The following AFG2A variants were observed in gnomAD, a reference collection of about 807,000 sequenced individuals.
AFG2A encodes ATPase family gene 2 protein homolog A.
chr4:123,075,148 G>T, the AFG2A span, among the ~76,000 whole-genome samples: 1 of 151,836 alleles, frequency 6.6e-6, no homozygotes, highest in Non-Finnish European at 1.5e-5. Context: ...GTTTCACCAT[G>T]TTGGCCAGGC....
the AFG2A span, among the ~76,000 whole-genome samples, chr4:123,100,443 G>A: frequency 1.3e-5 from 2 of 151,846 alleles, no homozygotes; most frequent in African/African-American, 4.8e-5. Flanking sequence ...TTTCAGGCTT[G>A]ACATTTTGGA....
At chr4:123,199,706 G>A in the AFG2A span, among the ~76,000 whole-genome samples, 29 of 151,956 alleles carry the variant, frequency 1.9e-4, 1 homozygote, top group African/African-American at 7.0e-4. Flanking sequence ...TCCTGACCTC[G>A]TGGTCTGCCC....
the AFG2A span, chr4:122,979,330 G>A: frequency 1.2e-6 from 2 of 1,614,146 alleles, no homozygotes; most frequent in East Asian, 2.2e-5. Flanking sequence ...TTTCTTGCAG[G>A]CAATGAATGA....
At chr4:123,014,036 A>C in the AFG2A span, among the ~76,000 whole-genome samples, 1 of 152,222 alleles carries the variant, frequency 6.6e-6, no homozygotes, top group African/African-American at 2.4e-5. Context: ...TTGACTTAAA[A>C]TTCACTTAAG....
chr4:123,023,700 C>T, the AFG2A span, among the ~76,000 whole-genome samples: 3 of 152,192 alleles, frequency 2.0e-5, no homozygotes, highest in East Asian at 1.9e-4. Context: ...GAAGAATTAT[C>T]GTCTCGGGCC....
the AFG2A span, among the ~76,000 whole-genome samples, chr4:123,311,641 AAAAAAAAAAAAAAAAG>A: frequency 1.8e-5 from 2 of 111,478 alleles, no homozygotes; most frequent in African/African-American, 3.7e-5. Flanking sequence ...AAAAAAAAAA[AAAAAAAAAAAAAAAAG>A]AGAGAGAAAA....
the AFG2A span, among the ~76,000 whole-genome samples, chr4:122,939,022 TA>T: frequency 0.041 from 6,135 of 148,626 alleles, 419 homozygotes; most frequent in African/African-American, 0.14. Context: ...GTATAACATT[TA>T]AAAAAAAACT....
At chr4:123,223,117 CT>C in the AFG2A span, among the ~76,000 whole-genome samples, 2 of 152,250 alleles carry the variant, frequency 1.3e-5, no homozygotes, top group Admixed American at 6.5e-5. Flanking sequence ...CGTTCTTACT[CT>C]TTTCCATAGC....
At chr4:123,235,665 A>G in the AFG2A span, among the ~76,000 whole-genome samples, 6 of 152,226 alleles carry the variant, frequency 3.9e-5, no homozygotes, top group African/African-American at 9.6e-5. Context: ...AGAGATGTCA[A>G]ATAAATCATT....
chr4:123,077,680 C>G, the AFG2A span, among the ~76,000 whole-genome samples: 2 of 152,156 alleles, frequency 1.3e-5, no homozygotes, highest in African/African-American at 4.8e-5. Context: ...TAACTCAGAT[C>G]TTTTATCTTG....
the AFG2A span, among the ~76,000 whole-genome samples, chr4:123,224,651 AAT>A: frequency 0.046 from 7,030 of 152,230 alleles, 551 homozygotes; most frequent in African/African-American, 0.16. Flanking sequence ...TGCTATTGTG[AAT>A]AGTGCCGCAA....
At chr4:123,313,439 C>G in the AFG2A span, among the ~76,000 whole-genome samples, 2 of 152,240 alleles carry the variant, frequency 1.3e-5, no homozygotes, top group African/African-American at 4.8e-5. Flanking sequence ...TGCTATGACA[C>G]GGTGTGTTGA....
chr4:123,183,897 C>T, the AFG2A span, among the ~76,000 whole-genome samples: 1 of 152,040 alleles, frequency 6.6e-6, no homozygotes, highest in South Asian at 2.1e-4. Context: ...ATAGCTGGGA[C>T]TACAGACATT....
At chr4:122,947,597 C>A in the AFG2A span, 2 of 1,276,792 alleles carry the variant, frequency 1.6e-6, no homozygotes, top group Non-Finnish European at 2.0e-6. Flanking sequence ...AGCTTTGTTT[C>A]TAATTATAAA....
chr4:123,039,953 G>C, the AFG2A span, among the ~76,000 whole-genome samples: 1 of 151,900 alleles, frequency 6.6e-6, no homozygotes, highest in Admixed American at 6.6e-5. Context: ...CACACTGACA[G>C]CCTAGTACTC....
At chr4:123,304,336 C>T in the AFG2A span, among the ~76,000 whole-genome samples, 1 of 152,168 alleles carries the variant, frequency 6.6e-6, no homozygotes, top group East Asian at 1.9e-4. Flanking sequence ...ACATAATCTC[C>T]CAGGTAGCCT....
At chr4:123,185,266 G>A in the AFG2A span, among the ~76,000 whole-genome samples, 6 of 151,878 alleles carry the variant, frequency 4.0e-5, no homozygotes, top group African/African-American at 1.5e-4. Context: ...CTCATATGAG[G>A]TAGATGTTGT....
chr4:123,154,633 CAGTT>C, the AFG2A span, among the ~76,000 whole-genome samples: 42 of 152,268 alleles, frequency 2.8e-4, no homozygotes, highest in African/African-American at 9.9e-4. Context: ...CTAGCTTTGT[CAGTT>C]AGTAGCTGTG....
chr4:123,054,575 G>A, the AFG2A span, among the ~76,000 whole-genome samples: 595 of 152,016 alleles, frequency 3.9e-3, 3 homozygotes, highest in African/African-American at 0.013. Flanking sequence ...AAAATTAGCC[G>A]GGTGTGGTGG....
Sources: gnomAD v4.1 joint callset for allele counts (sites outside exome capture counted in the v4.1 genomes callset) on GRCh38, gnomAD v4.1.1 for gene constraint, MANE v1.5 for transcripts, NCBI Gene and HGNC (gene_info 2026-07-23, HGNC 2026-07-21) for gene names.